The following NFIA variants were observed in gnomAD, a reference collection of about 807,000 sequenced individuals.
NFIA encodes nuclear factor 1 A-type.
NFIA carries 8 observed loss-of-function variants against 62.8 expected under a neutral mutation model. The ratio of observed to expected loss-of-function variants is 0.13; its 90% CI spans 0.07 to 0.23. The LOEUF (loss-of-function observed/expected upper bound fraction) is 0.23, where lower values mean the gene tolerates loss of function less well. NFIA is among the 10% of genes least tolerant of loss of function. The pLI is 1.00. For missense variants in NFIA, 410 were observed against 642.1 expected, an observed-to-expected ratio of 0.64 and a Z score of 3.91; for synonymous variants, 235 against 238.1, an observed-to-expected ratio of 0.99 and a Z score of 0.12.
intron 10 of NFIA, among the ~76,000 whole-genome samples, chr1:61,447,668 C>T (rs891510187): frequency 2.6e-5 from 4 of 152,078 alleles, no homozygotes; most frequent in South Asian, 2.1e-4. Context: ...AAGCAGCTTC[C>T]GTGGCGCAGG....
At chr1:61,413,100 A>G (rs1666177203) in intron 9 of NFIA, among the ~76,000 whole-genome samples, 1 of 152,178 alleles carries the variant, frequency 6.6e-6, no homozygotes, top group Non-Finnish European at 1.5e-5. Flanking sequence ...TGAAAGACCT[A>G]TCAATATGTT....
chr1:61,436,347 G>A (rs1667325735), intron 10 of NFIA, among the ~76,000 whole-genome samples: 1 of 152,148 alleles, frequency 6.6e-6, no homozygotes, highest in South Asian at 2.1e-4. Flanking sequence ...CATGAACTTT[G>A]AGGAGAGAAC....
chr1:61,078,591 T>A (rs1202723810), upstream of NFIA, among the ~76,000 whole-genome samples: 1 of 152,162 alleles, frequency 6.6e-6, no homozygotes, highest in African/African-American at 2.4e-5. Context: ...TAGGTAAACC[T>A]CTCTTCTTGA....
At position 61,088,955 on chromosome 1, in the gene NFIA, G is replaced by A. The variant is rs12126737; in HGVS notation, c.559+275G>A. Among the ~76,000 whole-genome samples, 1 of 152,170 alleles carries A rather than the reference G, an allele frequency of 6.6e-6. No homozygotes were observed. Among genetic ancestry groups the A allele is most frequent in the Non-Finnish European group, 1.5e-5 (1 of 68,026 alleles). On this transcript the variant is annotated intron_variant, in intron 2 of 10. Coordinates refer to ENST00000403491, the MANE Select transcript of NFIA (RefSeq NM_001134673.4). This position sits in a 1 kb window ranked among gnomAD's most constrained non-coding sequence, Gnocchi z 4.5. ...ATATGTTTAAATCACATTTTTTGAT[G>A]AGGGGATGAGAGAAGCCTCGTGAAA...
intron 2 of NFIA, among the ~76,000 whole-genome samples, chr1:61,187,271 G>A (rs1287201513): frequency 6.6e-6 from 1 of 151,884 alleles, no homozygotes; most frequent in African/African-American, 2.4e-5. Context: ...TGACCTGCCC[G>A]AGCCCCCCTT....
intron 2 of NFIA, among the ~76,000 whole-genome samples, chr1:61,105,118 G>A (rs1467420465): frequency 1.3e-5 from 2 of 151,944 alleles, no homozygotes; most frequent in Non-Finnish European, 2.9e-5. Flanking sequence ...GGGATTGTGT[G>A]TATTTTCTTA....
At chr1:61,219,402 ACTAT>A (rs1653859785) in intron 2 of NFIA, among the ~76,000 whole-genome samples, 1 of 151,998 alleles carries the variant, frequency 6.6e-6, no homozygotes, top group Non-Finnish European at 1.5e-5. Flanking sequence ...GGAACTACCA[ACTAT>A]CTAACATTTA....
intron 2 of NFIA, among the ~76,000 whole-genome samples, chr1:61,164,492 C>T (rs557077361): frequency 5.9e-5 from 9 of 152,050 alleles, no homozygotes; most frequent in Non-Finnish European, 1.2e-4. Flanking sequence ...TGGAGTATTG[C>T]TCTGTCGCCC....
intron 3 of NFIA, among the ~76,000 whole-genome samples, chr1:61,305,647 A>T (rs1659730119): frequency 6.6e-6 from 1 of 152,170 alleles, no homozygotes; most frequent in Non-Finnish European, 1.5e-5. Context: ...CTCTTCCAAT[A>T]GGATGGAAAC....
chr1:61,431,080 C>T (rs555232486), intron 10 of NFIA, among the ~76,000 whole-genome samples: 3 of 152,234 alleles, frequency 2.0e-5, no homozygotes, highest in East Asian at 1.9e-4. Context: ...ACACTATTAA[C>T]GTGCCCTGCA....
At chr1:61,424,756 C>T (rs1340799282) in intron 9 of NFIA, among the ~76,000 whole-genome samples, 2 of 152,132 alleles carry the variant, frequency 1.3e-5, no homozygotes, top group Non-Finnish European at 2.9e-5. Flanking sequence ...AATATAAAAA[C>T]TTTATGTTGC....
chr1:61,139,629 C>T (rs111647943), intron 2 of NFIA, among the ~76,000 whole-genome samples: 67 of 152,266 alleles, frequency 4.4e-4, no homozygotes, highest in African/African-American at 1.5e-3. Flanking sequence ...TTCTGAGTCA[C>T]TGGTGCCTGC....
chr1:61,283,759 C>G (rs1358926232), intron 3 of NFIA, among the ~76,000 whole-genome samples: 2 of 151,710 alleles, frequency 1.3e-5, no homozygotes, highest in Non-Finnish European at 2.9e-5. Flanking sequence ...ATTGTTTTTA[C>G]TACCTCCTCA....
At chr1:61,425,380 A>G (rs1486007090) in intron 9 of NFIA, among the ~76,000 whole-genome samples, 2 of 152,216 alleles carry the variant, frequency 1.3e-5, no homozygotes. Flanking sequence ...TCTGTGTTTT[A>G]AAAAGTTGCA....
intron 2 of NFIA, among the ~76,000 whole-genome samples, chr1:61,180,019 C>T (rs1391450306): frequency 2.0e-5 from 3 of 152,036 alleles, no homozygotes; most frequent in Non-Finnish European, 4.4e-5. Flanking sequence ...TGAATTTGGC[C>T]CTCACACAGC....
chr1:61,125,517 A>G (rs747088052), intron 2 of NFIA, among the ~76,000 whole-genome samples: 1 of 152,208 alleles, frequency 6.6e-6, no homozygotes, highest in Admixed American at 6.5e-5. Context: ...CAGCCTAACA[A>G]ATTCTATTCA....
rs139811481 is a variant in NFIA at position 61,387,154 on chromosome 1, A to G, written c.1075+3789A>G. Among the ~76,000 whole-genome samples the G allele has an allele frequency of 8.5e-3, 1,294 of 152,258 alleles. 8 individuals carry two copies. Among genetic ancestry groups the G allele is most frequent in the Admixed American group, 0.014 (219 of 15,296 alleles). The stretch of plus-strand genomic sequence containing the variant: ...CAGCCTATAGCAGTGGTTAAGCACA[A>G]AATCTCAGGGGGTCAGATAGGCTGG... On this transcript the variant is annotated intron_variant, in intron 7 of 10. Transcript: ENST00000403491.
intron 1 of NFIA, among the ~76,000 whole-genome samples, chr1:61,087,930 C>T (rs1646247214): frequency 6.6e-6 from 1 of 152,086 alleles, no homozygotes; most frequent in African/African-American, 2.4e-5. Flanking sequence ...TAATTTTCAG[C>T]AGTTTTTTTA....
rs1397836909 is a variant in NFIA at position 61,369,057 on chromosome 1, GCT to G, written c.946+9784_946+9785del. 1.1e-4 allele frequency among the ~76,000 whole-genome samples: 16 copies of G among 152,190 alleles called. 2 individuals are homozygous for G. Among genetic ancestry groups the G allele is most frequent in the Admixed American group, 1.0e-3 (16 of 15,262 alleles). On this transcript the variant is annotated intron_variant, in intron 6 of 10. Transcript: ENST00000403491. ...TAGACCACAGTCCTCTGCTGTGCCT[GCT>G]TAAAATAGCTGGTGCATCAGCCATT...
Sources: allele counts gnomAD v4.1 joint callset (sites outside exome capture counted in the v4.1 genomes callset), GRCh38; gene constraint gnomAD v4.1.1; non-coding constraint Gnocchi (gnomAD v3.1); transcripts MANE v1.5; gene names NCBI Gene and HGNC (gene_info 2026-07-23, HGNC 2026-07-21).